Variants in CREB3L3 observed in about 807,000 individuals in gnomAD.
The protein encoded by CREB3L3 is cAMP responsive element binding protein 3 like 3.
Under a neutral mutation model 44.6 loss-of-function variants are expected in CREB3L3, and 40 were observed. That is an observed-to-expected ratio of 0.90 (90% CI 0.70 to 1.17). The LOEUF (loss-of-function observed/expected upper bound fraction) is 1.17. Among genes scored for constraint, CREB3L3 ranks in the 50% most tolerant of loss-of-function variants. The pLI is 0.00. For synonymous variants in CREB3L3, 273 were observed against 256.3 expected (o/e 1.06, Z -0.62); for missense variants, 578 against 595.8 (o/e 0.97, Z 0.31).
In CREB3L3 at chr19:4,162,985, T is replaced by A. The variant is rs563634989; in HGVS notation, c.577-1518T>A. Among the ~76,000 whole-genome samples, 6 of 151,594 alleles carry A rather than the reference T, an allele frequency of 4.0e-5. No individual in the cohort carries two copies. The South Asian group carries it at 1.3e-3, about 32-fold the overall frequency. ...TAGCAAGACCCTATTTCAAAAATAA[T>A]AATAGTAATAATACAATGAAAAGAA... On this transcript the variant is annotated intron_variant, in intron 4 of 9. Coordinates refer to ENST00000078445, the MANE Select transcript of CREB3L3 (RefSeq NM_032607.3).
intron 2 of CREB3L3, among the ~76,000 whole-genome samples, chr19:4,156,081 T>TTCTC (rs57754643): frequency 1.1e-4 from 14 of 124,630 alleles, no homozygotes; most frequent in East Asian, 7.1e-4. Flanking sequence ...TCTCTCTCGT[T>TTCTC]TCTCTCTCTC....
rs760221131 is a variant in CREB3L3 at position 4,159,790 on chromosome 19, C to T, written c.576+8C>T. On this transcript the variant is annotated splice_region_variant and intron_variant, in intron 4 of 9. Coordinates refer to ENST00000078445, the MANE Select transcript of CREB3L3 (RefSeq NM_032607.3). Reference sequence around the variant, plus strand: ...GGCAGCAGTGGGGACCTGGTGAGCACCCCCACACCCTCCCATGGGGCGTTG... The same window carrying T: ...GGCAGCAGTGGGGACCTGGTGAGCATCCCCACACCCTCCCATGGGGCGTTG... The T allele has an allele frequency of 1.4e-5, 16 of 1,178,794 alleles. No individual in the cohort carries two copies. The East Asian group carries it at 3.5e-4, about 26-fold the overall frequency. The allele number at this position is 1,178,794 out of a possible 1,614,324, so 73.0% of individuals were successfully genotyped here. A position where few individuals can be genotyped will look rare whatever the true frequency, so the allele number is the denominator to read the frequency against.
chr19:4,155,513 T>G (rs1017537042), intron 2 of CREB3L3, among the ~76,000 whole-genome samples: 6 of 149,932 alleles, frequency 4.0e-5, no homozygotes, highest in African/African-American at 1.2e-4. Flanking sequence ...CGCCCGCCAC[T>G]GCACCTGGCT....
At chr19:4,163,516 G>A (rs1181776539) in intron 4 of CREB3L3, among the ~76,000 whole-genome samples, 2 of 152,092 alleles carry the variant, frequency 1.3e-5, no homozygotes, top group Non-Finnish European at 2.9e-5. Context: ...ATTCTGTGGT[G>A]GCAGGAGTGA....
At chr19:4,154,810 TA>T in intron 1 of CREB3L3, 88 bp from the exon 2 acceptor site, 1 of 1,598,214 alleles carries the variant, frequency 6.3e-7, no homozygotes, top group Non-Finnish European at 8.5e-7. Flanking sequence ...AACTGAACTC[TA>T]GCCGGAAAGA....
rs889976627 is a variant in CREB3L3 at position 4,157,005 on chromosome 19, C to G, written c.167C>G (p.Pro56Arg). Residue 56 changes from proline to arginine, a missense_variant, in exon 3 of 10, where the codon CCA becomes CGA. Coordinates refer to ENST00000078445, the MANE Select transcript of CREB3L3 (RefSeq NM_032607.3). The stretch of plus-strand genomic sequence containing the variant: ...CCCTGTCCACCCCAGCAGGTCCTGC[C>G]AAACCCCGACTCTGACGACTTCCTC... ...WGHVKDQQVL[P>R]NPDSDDFLSS... The G allele has an allele frequency of 4.3e-6, 7 of 1,614,084 alleles. No homozygotes were observed. Among genetic ancestry groups the G allele is most frequent in the Non-Finnish European group, 5.9e-6 (7 of 1,180,020 alleles).
intron 5 of CREB3L3, among the ~76,000 whole-genome samples, chr19:4,167,969 A>T (rs1163062904): frequency 7.9e-6 from 1 of 125,844 alleles, no homozygotes; most frequent in African/African-American, 3.0e-5. Context: ...TTTAATTTTA[A>T]TTATTTTATT....
intron 4 of CREB3L3, among the ~76,000 whole-genome samples, chr19:4,161,566 C>T (rs1217393774): frequency 6.6e-6 from 1 of 152,112 alleles, no homozygotes; most frequent in Non-Finnish European, 1.5e-5. Flanking sequence ...GGCCATCTAC[C>T]CTGCCAAGGG....
chr19:4,164,408 TG>T, intron 4 of CREB3L3, 94 bp from the exon 5 acceptor site: 2 of 1,498,980 alleles, frequency 1.3e-6, no homozygotes, highest in Non-Finnish European at 1.8e-6. Flanking sequence ...ACACCCAGCC[TG>T]GGGTGATAGT....
chr19:4,155,895 C>T (rs1599329546), intron 2 of CREB3L3, among the ~76,000 whole-genome samples: 1 of 151,178 alleles, frequency 6.6e-6, no homozygotes, highest in East Asian at 2.0e-4. Flanking sequence ...TTACAGGCAG[C>T]CGCCACCACG....
chr19:4,159,982 A>G (rs1168335047), intron 4 of CREB3L3, among the ~76,000 whole-genome samples, 200 bp downstream of exon 4: 1 of 152,122 alleles, frequency 6.6e-6, no homozygotes, highest in African/African-American at 2.4e-5. Flanking sequence ...ACTTAGTAGT[A>G]ACAATAGCAA....
In CREB3L3 at chr19:4,171,376, C is replaced by T. The variant is rs1484062001; in HGVS notation, c.976-7C>T. 6.2e-7 allele frequency: 1 copy of T among 1,613,874 alleles called. No homozygotes were observed. Among genetic ancestry groups the T allele is most frequent in the Admixed American group, 1.7e-5 (1 of 60,016 alleles). Reference sequence around the variant, plus strand: ...GGAGGGGGTGACTCTGCCGCTGTCTCCACCAGGTCCTGTTGCTGTCCTTTG... The same window carrying T: ...GGAGGGGGTGACTCTGCCGCTGTCTTCACCAGGTCCTGTTGCTGTCCTTTG... On this transcript the variant is annotated splice_region_variant and splice_polypyrimidine_tract_variant and intron_variant, in intron 8 of 9. Coordinates refer to ENST00000078445, the MANE Select transcript of CREB3L3 (RefSeq NM_032607.3). The surrounding 1 kb of genome is among the most constrained non-coding windows in gnomAD (Gnocchi z 4.9).
intron 4 of CREB3L3, among the ~76,000 whole-genome samples, chr19:4,163,859 C>G (rs957799115): frequency 6.8e-6 from 1 of 146,326 alleles, no homozygotes; most frequent in Non-Finnish European, 1.5e-5. Flanking sequence ...GGCTGGAGTG[C>G]AGTGGTGTGA....
In CREB3L3 at chr19:4,153,634, A is replaced by C. The variant is rs1243830989; in HGVS notation, c.-114A>C. 7.7e-7 allele frequency: 1 copy of C among 1,297,928 alleles called. No homozygotes were observed. Among genetic ancestry groups the C allele is most frequent in the African/African-American group, 1.5e-5 (1 of 68,612 alleles). The allele number at this position is 1,297,928 out of a possible 1,614,324, so 80.4% of individuals were successfully genotyped here. ...TTCAGCATCTTTTGGGAGTGGTGAC[A>C]GAGCCACAGAGGGCTGTGAGCTTGC... On this transcript the variant is annotated 5_prime_UTR_variant, in exon 1 of 10. Transcript: ENST00000078445.
rs531193592 is a variant in CREB3L3 at position 4,171,433 on chromosome 19, T to C, written c.1026T>C (p.Phe342=). The change falls in exon 9 of 10, where the codon TTT becomes TTC. Residue 342 remains phenylalanine (F), a synonymous_variant. Transcript: ENST00000078445. The surrounding 1 kb of genome is among the most constrained non-coding windows in gnomAD (Gnocchi z 4.9). The part of the protein sequence containing the change: ...ALIILPSISP[F]GPNKTESPGD... The stretch of plus-strand genomic sequence containing the variant: ...TCATCCTCCCCTCCATCAGCCCTTT[T>C]GGCCCCAACAAAACCGAGAGCCCTG... The C allele has an allele frequency of 1.9e-4, 306 of 1,614,124 alleles. 1 individual carries two copies. Among genetic ancestry groups the C allele is most frequent in the South Asian group, 1.0e-3 (94 of 91,080 alleles).
rs755747041 is a variant in CREB3L3, at chr19:4,153,719, G to C, written c.-29G>C. 6.2e-7 allele frequency: 1 copy of C among 1,613,990 alleles called. No individual in the cohort carries two copies. Among genetic ancestry groups the C allele is most frequent in the South Asian group, 1.1e-5 (1 of 91,052 alleles). ...CCAGCTTGGAGCAGAGACCCCCCGA[G>C]GCATCTGCAGACAGAACTGGATGGA... On this transcript the variant is annotated 5_prime_UTR_variant, in exon 1 of 10. Coordinates refer to ENST00000078445, the MANE Select transcript of CREB3L3 (RefSeq NM_032607.3).
intron 4 of CREB3L3, among the ~76,000 whole-genome samples, chr19:4,160,203 G>A (rs2041640467): frequency 6.6e-6 from 1 of 151,552 alleles, no homozygotes; most frequent in Non-Finnish European, 1.5e-5. Flanking sequence ...GGCTGAGGTG[G>A]AAGGATCGCT....
chr19:4,159,480 C>T (rs1272332163), intron 3 of CREB3L3, among the ~76,000 whole-genome samples, 184 bp from the exon 4 acceptor site: 4 of 127,180 alleles, frequency 3.1e-5, no homozygotes, highest in Non-Finnish European at 7.2e-5. Context: ...GAGGGGAGAC[C>T]GAGTCACTAG....
At position 4,171,613 on chromosome 19, in the gene CREB3L3, C is replaced by T. The variant is rs766795515; in HGVS notation, c.1073-43C>T. The stretch of plus-strand genomic sequence containing the variant: ...GGCCAGGGAAGGGAGCATAGGACCC[C>T]ACCTCCACCTTGTCCCCTGTGATGC... On this transcript the variant is annotated intron_variant, in intron 9 of 9. Coordinates refer to ENST00000078445, the MANE Select transcript of CREB3L3 (RefSeq NM_032607.3). The surrounding 1 kb of genome is among the most constrained non-coding windows in gnomAD (Gnocchi z 4.9). The T allele has an allele frequency of 7.5e-6, 12 of 1,607,732 alleles. No homozygotes were observed. The East Asian group carries it at 1.8e-4, about 24-fold the overall frequency.
Sources: gnomAD v4.1 joint callset for allele counts (sites outside exome capture counted in the v4.1 genomes callset) on GRCh38, gnomAD v4.1.1 for gene constraint, Gnocchi (gnomAD v3.1) non-coding constraint, MANE v1.5 for transcripts, NCBI Gene and HGNC (gene_info 2026-07-23, HGNC 2026-07-21) for gene names.